Variants in RAP1A observed in about 807,000 individuals in gnomAD.
RAP1A encodes the protein RAP1A, member of RAS oncogene family.
Under a neutral mutation model 26.4 loss-of-function variants are expected in RAP1A, and 6 were observed. The observed-to-expected ratio is 0.23, with a 90% CI of 0.12 to 0.45. RAP1A has a LOEUF of 0.45. Ranked by LOEUF, RAP1A falls within the 20% of genes least tolerant of loss-of-function variation. The probability of loss-of-function intolerance (pLI) is 0.99; values close to 1 mark genes in which losing one functional copy is unlikely to be tolerated. For synonymous variants in RAP1A, 73 were observed against 79.4 expected, an observed-to-expected ratio of 0.92 and a Z score of 0.43; for missense variants, 121 against 217.2, an observed-to-expected ratio of 0.56 and a Z score of 2.78.
At chr1:111,553,622 C>G (rs1657363619) in intron 1 of RAP1A, among the ~76,000 whole-genome samples, 1 of 152,152 alleles carries the variant, frequency 6.6e-6, no homozygotes, top group Admixed American at 6.6e-5. Flanking sequence ...CTTTCAGACT[C>G]CTTCCTACCT....
intron 6 of RAP1A, chr1:111,706,692 G>A (rs1382829186): frequency 1.3e-5 from 13 of 984,252 alleles, no homozygotes; most frequent in Non-Finnish European, 1.6e-5. Flanking sequence ...AGATGAGGAA[G>A]AACCTAGGCT....
intron 1 of RAP1A, among the ~76,000 whole-genome samples, chr1:111,664,809 T>C (rs1273039903): frequency 1.3e-5 from 2 of 152,242 alleles, no homozygotes; most frequent in Non-Finnish European, 2.9e-5. Context: ...ACTTTGGGGA[T>C]ATTACTAGTA....
At chr1:111,671,146 T>C (rs1283188239) in intron 1 of RAP1A, among the ~76,000 whole-genome samples, 1 of 152,204 alleles carries the variant, frequency 6.6e-6, no homozygotes, top group Admixed American at 6.5e-5. Context: ...GTGGAAACCT[T>C]GTATTTTTAA....
chr1:111,607,782 T>C (rs1385032051), intron 1 of RAP1A, among the ~76,000 whole-genome samples: 6 of 116,670 alleles, frequency 5.1e-5, no homozygotes, highest in Non-Finnish European at 3.6e-5. Flanking sequence ...GAGGCGCCCC[T>C]CACCTCCCGG....
chr1:111,673,035 T>G (rs1661021760), intron 1 of RAP1A, among the ~76,000 whole-genome samples: 1 of 152,202 alleles, frequency 6.6e-6, no homozygotes, highest in African/African-American at 2.4e-5. Context: ...CCTCTGTCTT[T>G]CATACATTCC....
At chr1:111,623,341 A>G (rs1659282325) in intron 1 of RAP1A, among the ~76,000 whole-genome samples, 2 of 151,972 alleles carry the variant, frequency 1.3e-5, no homozygotes, top group Admixed American at 6.6e-5. Context: ...GGAATTTTTA[A>G]TGGTATCTGT....
chr1:111,581,694 TA>T (rs1333076200), intron 1 of RAP1A, among the ~76,000 whole-genome samples: 2 of 152,184 alleles, frequency 1.3e-5, no homozygotes, highest in African/African-American at 4.8e-5. Flanking sequence ...AAGCATGGCA[TA>T]AAAAAATTGA....
chr1:111,563,815 C>T (rs1392816933), intron 1 of RAP1A: 2 of 1,579,514 alleles, frequency 1.3e-6, no homozygotes, highest in Non-Finnish European at 1.7e-6. Flanking sequence ...ACCTCTGCCT[C>T]CCAGCAGCTA....
chr1:111,590,403 T>C (rs1257437622), intron 1 of RAP1A, among the ~76,000 whole-genome samples: 1 of 152,082 alleles, frequency 6.6e-6, no homozygotes, highest in African/African-American at 2.4e-5. Context: ...ACTAAGCATA[T>C]TATTTGCTGT....
At chr1:111,696,587 T>C (rs1037108690) in intron 3 of RAP1A, among the ~76,000 whole-genome samples, 2 of 152,210 alleles carry the variant, frequency 1.3e-5, no homozygotes, top group Admixed American at 6.5e-5. Context: ...AAATAGTCTT[T>C]AGGTTAGCAC....
chr1:111,571,655 A>G (rs1413698940), intron 1 of RAP1A, among the ~76,000 whole-genome samples: 7 of 152,230 alleles, frequency 4.6e-5, no homozygotes, highest in African/African-American at 1.7e-4. Context: ...GTATCAGTTA[A>G]TTCACTGACT....
At chr1:111,700,681 G>A (rs969428916) in intron 4 of RAP1A, among the ~76,000 whole-genome samples, 4 of 152,100 alleles carry the variant, frequency 2.6e-5, no homozygotes, top group Non-Finnish European at 5.9e-5. Flanking sequence ...TGTCTTATAA[G>A]CATCTCAAAT....
intron 1 of RAP1A, among the ~76,000 whole-genome samples, chr1:111,689,363 T>C (rs1453587630): frequency 2.0e-5 from 3 of 152,000 alleles, no homozygotes; most frequent in African/African-American, 7.2e-5. Flanking sequence ...TCTTTCCTCT[T>C]ATTCTCATCA....
chr1:111,591,613 T>A (rs1658472594), intron 1 of RAP1A, among the ~76,000 whole-genome samples: 1 of 152,262 alleles, frequency 6.6e-6, no homozygotes, highest in African/African-American at 2.4e-5. Flanking sequence ...TTTTAAAATA[T>A]CTGAGCGCAT....
At chr1:111,635,341 A>C (rs965008533) in intron 1 of RAP1A, among the ~76,000 whole-genome samples, 2 of 152,188 alleles carry the variant, frequency 1.3e-5, no homozygotes, top group Non-Finnish European at 2.9e-5. Context: ...CTTGCTTTGA[A>C]TATTTGGTCA....
intron 1 of RAP1A, among the ~76,000 whole-genome samples, chr1:111,582,743 A>G (rs1658282755): frequency 6.6e-6 from 1 of 152,220 alleles, no homozygotes; most frequent in African/African-American, 2.4e-5. Context: ...AAAAAAATTA[A>G]AAGTACTCAG....
intron 1 of RAP1A, among the ~76,000 whole-genome samples, chr1:111,574,219 T>C (rs1571478343): frequency 6.6e-6 from 1 of 152,196 alleles, no homozygotes; most frequent in East Asian, 1.9e-4. Context: ...AAGGAGCCCT[T>C]TCCTCATTGC....
At chr1:111,556,922 T>C (rs1167553183) in intron 1 of RAP1A, among the ~76,000 whole-genome samples, 1 of 152,062 alleles carries the variant, frequency 6.6e-6, no homozygotes, top group Non-Finnish European at 1.5e-5. Context: ...TATGTACATA[T>C]ATATTACCAA....
intron 1 of RAP1A, among the ~76,000 whole-genome samples, chr1:111,544,076 T>G (rs1000038056): frequency 6.6e-6 from 1 of 152,226 alleles, no homozygotes; most frequent in Non-Finnish European, 1.5e-5. Flanking sequence ...TGAACATGTT[T>G]AAAGTCAAAT....
Sources: gnomAD v4.1 joint callset for allele counts (sites outside exome capture counted in the v4.1 genomes callset) on GRCh38, gnomAD v4.1.1 for gene constraint, MANE v1.5 for transcripts, NCBI Gene and HGNC (gene_info 2026-07-23, HGNC 2026-07-21) for gene names.